LIPA: variants seen among roughly 807,000 people sequenced by gnomAD.
The protein encoded by LIPA is lysosomal acid lipase/cholesteryl ester hydrolase.
A neutral mutation model predicts 40.6 loss-of-function variants in LIPA; 26 were observed. The ratio of observed to expected loss-of-function variants is 0.64; its 90% CI spans 0.47 to 0.89. The LOEUF is 0.89. Among genes scored for constraint, LIPA ranks in the 40% least tolerant of loss-of-function variants. The pLI, the probability that LIPA is intolerant of heterozygous loss-of-function variation, is 0.00. For missense variants in LIPA, 455 were observed against 479.6 expected (o/e 0.95, Z 0.48); for synonymous variants, 188 against 168.4 (o/e 1.12, Z -0.90).
chr10:89,226,905 G>T lies in LIPA; in HGVS notation c.528C>A (p.Gly176=). ...EQVYYVGHSQ[G]TTIGFIAFSQ... Reference sequence around the variant, plus strand: ...TATTTACATACATACCTATAGTGGTGCCTTGAGAATGACCCACATAATACA... The same window carrying T: ...TATTTACATACATACCTATAGTGGTTCCTTGAGAATGACCCACATAATACA... Residue 176 remains glycine (G), a synonymous_variant, in exon 5 of 10, where the codon GGC becomes GGA. Transcript: ENST00000336233. 6.4e-7 allele frequency: 1 copy of T among 1,561,636 alleles called. No individual in the cohort carries two copies. Among genetic ancestry groups the T allele is most frequent in the Non-Finnish European group, 8.8e-7 (1 of 1,132,656 alleles).
chr10:89,316,296 T>A (rs1374094399), intron 1 of LIPA, among the ~76,000 whole-genome samples: 1 of 151,520 alleles, frequency 6.6e-6, no homozygotes, highest in Non-Finnish European at 1.5e-5. Context: ...GTGCAAGGAG[T>A]CAGGGAATTC....
chr10:89,413,088 C>T (rs1214522918), intron 1 of LIPA, among the ~76,000 whole-genome samples: 4 of 152,176 alleles, frequency 2.6e-5, no homozygotes, highest in Admixed American at 6.5e-5. Context: ...CTCCCACTTA[C>T]AAGTGAGAAC....
chr10:89,339,764 A>C, intron 1 of LIPA: 1 of 1,614,198 alleles, frequency 6.2e-7, no homozygotes, highest in Non-Finnish European at 8.5e-7. Flanking sequence ...CTTCAGAAAT[A>C]TAATGGGAAG....
intron 7 of LIPA, among the ~76,000 whole-genome samples, chr10:89,222,787 T>C (rs557093486): frequency 6.6e-6 from 1 of 152,072 alleles, no homozygotes; most frequent in East Asian, 1.9e-4. Context: ...ATGAAGGAGG[T>C]GCAACAACAT....
chr10:89,237,461 A>AT (rs111791214), intron 3 of LIPA, among the ~76,000 whole-genome samples: 16,506 of 151,506 alleles, frequency 0.11, 1,901 homozygotes, highest in African/African-American at 0.29. Context: ...AACAAAAAAA[A>AT]ATATATATAT....
At chr10:89,259,405 T>A (rs931624725) in intron 1 of LIPA, among the ~76,000 whole-genome samples, 1 of 152,182 alleles carries the variant, frequency 6.6e-6, no homozygotes, top group Non-Finnish European at 1.5e-5. Context: ...CCCACCAGGA[T>A]GGCTAAAATT....
intron 1 of LIPA, among the ~76,000 whole-genome samples, chr10:89,251,017 A>G (rs1200870196): frequency 6.6e-6 from 1 of 152,238 alleles, no homozygotes; most frequent in Non-Finnish European, 1.5e-5. Flanking sequence ...ATTCTGAAAA[A>G]AGATAAGAGC....
chr10:89,311,032 A>G (rs1843512627), intron 1 of LIPA, among the ~76,000 whole-genome samples: 1 of 152,238 alleles, frequency 6.6e-6, no homozygotes. Context: ...GATATAATCT[A>G]ATTAAAATAT....
At chr10:89,331,551 T>C (rs972558091) in intron 1 of LIPA, among the ~76,000 whole-genome samples, 1 of 152,116 alleles carries the variant, frequency 6.6e-6, no homozygotes, top group African/African-American at 2.4e-5. Context: ...GGGAATTGCT[T>C]AATATTCTTT....
intron 1 of LIPA, among the ~76,000 whole-genome samples, chr10:89,265,032 C>A (rs1403676315): frequency 6.6e-6 from 1 of 152,242 alleles, no homozygotes; most frequent in Non-Finnish European, 1.5e-5. Context: ...GAGGCCCAGG[C>A]AGCAGGGGGC....
intron 2 of LIPA, chr10:89,392,465 T>TCC (rs1564806781): frequency 2.9e-6 from 1 of 346,764 alleles, no homozygotes; most frequent in African/African-American, 3.4e-5. Flanking sequence ...CAAAGTTTCA[T>TCC]TCCCCACCCC....
intron 2 of LIPA, among the ~76,000 whole-genome samples, chr10:89,386,034 T>A (rs1844208469): frequency 6.6e-6 from 1 of 152,204 alleles, no homozygotes; most frequent in African/African-American, 2.4e-5. Flanking sequence ...TTATAATTTT[T>A]ATTTATTTAT....
At chr10:89,268,378 G>T (rs576277922) in intron 1 of LIPA, among the ~76,000 whole-genome samples, 1 of 152,354 alleles carries the variant, frequency 6.6e-6, no homozygotes, top group South Asian at 2.1e-4. Flanking sequence ...GCACTCAATA[G>T]ATGTTAGTTG....
intron 2 of LIPA, chr10:89,378,031 G>T (rs934935766): frequency 5.7e-6 from 7 of 1,237,442 alleles, no homozygotes; most frequent in Non-Finnish European, 8.3e-6. Flanking sequence ...CCATATATAA[G>T]CACCATGCTT....
chr10:89,220,324 G>A (rs1842681899), intron 8 of LIPA, among the ~76,000 whole-genome samples: 1 of 152,144 alleles, frequency 6.6e-6, no homozygotes. Context: ...CTCTGGGGGT[G>A]CAATAACTGA....
chr10:89,228,842 A>G (rs1435648077), intron 3 of LIPA, among the ~76,000 whole-genome samples: 1 of 152,238 alleles, frequency 6.6e-6, no homozygotes, highest in Non-Finnish European at 1.5e-5. Flanking sequence ...AACATCCAAA[A>G]ACGCTGAAAA....
intron 1 of LIPA, among the ~76,000 whole-genome samples, chr10:89,289,988 T>TA (rs1173778270): frequency 5.2e-4 from 57 of 108,672 alleles, no homozygotes; most frequent in Middle Eastern, 5.0e-3. Context: ...TACTCACTGC[T>TA]AAAAAAAAAG....
intron 1 of LIPA, among the ~76,000 whole-genome samples, chr10:89,298,525 C>T (rs1843428184): frequency 2.0e-5 from 3 of 152,120 alleles, no homozygotes; most frequent in Admixed American, 2.0e-4. Flanking sequence ...AAAAAGTCCT[C>T]CCCTACAAAA....
chr10:89,315,768 G>A (rs964578150), intron 1 of LIPA, among the ~76,000 whole-genome samples: 4 of 152,100 alleles, frequency 2.6e-5, no homozygotes, highest in South Asian at 2.1e-4. Context: ...GCCTGGCTTC[G>A]TATGTTTAGT....
Sources: allele counts gnomAD v4.1 joint callset (sites outside exome capture counted in the v4.1 genomes callset), GRCh38; gene constraint gnomAD v4.1.1; transcripts MANE v1.5; gene names NCBI Gene and HGNC (gene_info 2026-07-23, HGNC 2026-07-21).